The following BACH2 variants were observed in gnomAD, a reference collection of about 807,000 sequenced individuals.
BACH2 encodes the protein BACH transcriptional regulator 2.
In BACH2, 5 loss-of-function variants were observed where a neutral mutation model predicts 61.8. That is an observed-to-expected ratio of 0.08 (90% CI 0.04 to 0.17). The LOEUF (loss-of-function observed/expected upper bound fraction) is 0.17, where lower values mean the gene tolerates loss of function less well. Among genes scored for constraint, BACH2 ranks in the 10% least tolerant of loss-of-function variants. The pLI, the probability that BACH2 is intolerant of heterozygous loss-of-function variation, is 1.00. For missense variants in BACH2, 824 were observed against 1,091.1 expected (o/e 0.76, Z 3.45); for synonymous variants, 446 against 440.1 (o/e 1.01, Z -0.17).
At chr6:90,250,790 G>A (rs1015143100) in intron 3 of BACH2, among the ~76,000 whole-genome samples, 1 of 151,976 alleles carries the variant, frequency 6.6e-6, no homozygotes, top group Non-Finnish European at 1.5e-5. Flanking sequence ...ATGGTTAAGA[G>A]AATAAATGTG....
At chr6:89,949,867 C>CTTCCT (rs1773968425) in intron 7 of BACH2, among the ~76,000 whole-genome samples, 1 of 151,992 alleles carries the variant, frequency 6.6e-6, no homozygotes, top group South Asian at 2.1e-4. Context: ...GATTCTATAT[C>CTTCCT]TTCCTTTACG....
intron 4 of BACH2, among the ~76,000 whole-genome samples, chr6:90,158,477 G>T (rs1023791406): frequency 6.6e-6 from 1 of 152,044 alleles, no homozygotes; most frequent in Non-Finnish European, 1.5e-5. Context: ...GAAAGATGAA[G>T]CCACACAGTC....
At chr6:90,134,727 A>G (rs1196242774) in intron 4 of BACH2, among the ~76,000 whole-genome samples, 1 of 152,212 alleles carries the variant, frequency 6.6e-6, no homozygotes, top group Non-Finnish European at 1.5e-5. Flanking sequence ...AGGAGCTGGT[A>G]TTTATGTCTA....
At chr6:89,940,121 C>T (rs542086664) in intron 7 of BACH2, among the ~76,000 whole-genome samples, 2 of 152,132 alleles carry the variant, frequency 1.3e-5, no homozygotes, top group Non-Finnish European at 2.9e-5. Context: ...AGCGATTCTC[C>T]TGCCTCACCT....
chr6:89,950,540 G>T lies in BACH2; in HGVS notation c.1566C>A (p.Ser522=). The T allele has an allele frequency of 6.2e-7, 1 of 1,611,866 alleles. No individual in the cohort carries two copies. ...CCTCCGCGTAGGAATAGGAAGAGCA[G>T]GAGCTGGAAGTCCTGGTCCTGGTCT... ...PLETRTRTSS[S]CSSYSYAEDG... The change falls in exon 7 of 9, where the codon TCC becomes TCA. Residue 522 remains serine, a synonymous_variant. Transcript: ENST00000257749. The surrounding 1 kb of genome is among the most constrained non-coding windows in gnomAD (Gnocchi z 5.3).
At chr6:90,247,134 A>G (rs1770661717) in intron 3 of BACH2, among the ~76,000 whole-genome samples, 1 of 152,180 alleles carries the variant, frequency 6.6e-6, no homozygotes, top group Non-Finnish European at 1.5e-5. Flanking sequence ...TAACGAGAAC[A>G]TGACTGCAGT....
At chr6:90,124,465 A>C (rs1783766001) in intron 4 of BACH2, among the ~76,000 whole-genome samples, 1 of 152,222 alleles carries the variant, frequency 6.6e-6, no homozygotes, top group African/African-American at 2.4e-5. Flanking sequence ...GACAACACTA[A>C]GGAAATTGTT....
chr6:89,961,821 G>A (rs550789583), intron 6 of BACH2, among the ~76,000 whole-genome samples: 2 of 152,280 alleles, frequency 1.3e-5, no homozygotes, highest in South Asian at 2.1e-4. Flanking sequence ...TTGGTACAGA[G>A]GACACACTAT....
At chr6:90,178,809 C>T (rs1768060710) in intron 4 of BACH2, among the ~76,000 whole-genome samples, 1 of 152,150 alleles carries the variant, frequency 6.6e-6, no homozygotes, top group Admixed American at 6.5e-5. Context: ...TTGAGAATGG[C>T]ACAGATGCAA....
rs191956195 is a variant in BACH2, at chr6:90,019,140, T to C, written c.-12-10284A>G. ...TAAAAATCATAATAGCTTGCATGTA[T>C]AAGGAAACACTCAAAACTTGGTGGA... On this transcript the variant is annotated intron_variant, in intron 5 of 8. Coordinates refer to ENST00000257749, the MANE Select transcript of BACH2 (RefSeq NM_021813.4). Among the ~76,000 whole-genome samples, 301 of 152,312 alleles carry C rather than the reference T, an allele frequency of 2.0e-3. 1 individual carries two copies. Among genetic ancestry groups the C allele is most frequent in the Non-Finnish European group, 3.5e-3 (241 of 68,028 alleles).
intron 4 of BACH2, among the ~76,000 whole-genome samples, chr6:90,185,761 C>T (rs543082557): frequency 5.3e-4 from 81 of 152,280 alleles, no homozygotes; most frequent in African/African-American, 1.9e-3. Flanking sequence ...CTGGTCTTCA[C>T]GTCTACACAC....
intron 4 of BACH2, among the ~76,000 whole-genome samples, chr6:90,202,157 T>C (rs1768977645): frequency 6.6e-6 from 1 of 152,200 alleles, no homozygotes; most frequent in Non-Finnish European, 1.5e-5. Context: ...GCATATAGTA[T>C]GCACTTGACA....
chr6:90,295,313 C>T (rs1772307741), intron 1 of BACH2, among the ~76,000 whole-genome samples: 1 of 152,052 alleles, frequency 6.6e-6, no homozygotes, highest in African/African-American at 2.4e-5. Context: ...CTGGGGATGC[C>T]CCATGCGCCC....
At chr6:90,041,480 T>C (rs1488774277) in intron 5 of BACH2, among the ~76,000 whole-genome samples, 3 of 152,030 alleles carry the variant, frequency 2.0e-5, no homozygotes, top group Non-Finnish European at 4.4e-5. Flanking sequence ...ATTTTTCCAA[T>C]ATTTATCACT....
intron 6 of BACH2, among the ~76,000 whole-genome samples, chr6:89,986,099 T>C (rs575376404): frequency 5.3e-5 from 8 of 152,176 alleles, no homozygotes; most frequent in Admixed American, 2.0e-4. Context: ...AGACTGATAG[T>C]GGCGGCGGCG....
At chr6:90,038,575 T>C (rs1779376575) in intron 5 of BACH2, among the ~76,000 whole-genome samples, 1 of 152,136 alleles carries the variant, frequency 6.6e-6, no homozygotes, top group Admixed American at 6.6e-5. Context: ...AATAAAATGG[T>C]AAATACTGAA....
intron 5 of BACH2, among the ~76,000 whole-genome samples, chr6:90,062,254 T>G (rs1400378573): frequency 2.0e-5 from 3 of 152,204 alleles, no homozygotes; most frequent in Non-Finnish European, 4.4e-5. Flanking sequence ...CTGAGTAATC[T>G]TTATTTGCCA....
At chr6:90,184,006 A>T (rs1256856387) in intron 4 of BACH2, among the ~76,000 whole-genome samples, 3 of 152,202 alleles carry the variant, frequency 2.0e-5, no homozygotes, top group Non-Finnish European at 4.4e-5. Flanking sequence ...CAGGTGAGGA[A>T]TGTTGCCAAT....
At chr6:90,295,849 T>C (rs941788374) in intron 1 of BACH2, among the ~76,000 whole-genome samples, 3 of 152,228 alleles carry the variant, frequency 2.0e-5, no homozygotes, top group East Asian at 1.9e-4. Context: ...CCAGCTCGCC[T>C]CTTCCTGCGA....
Sources: allele counts gnomAD v4.1 joint callset (sites outside exome capture counted in the v4.1 genomes callset), GRCh38; gene constraint gnomAD v4.1.1; non-coding constraint Gnocchi (gnomAD v3.1); transcripts MANE v1.5; gene names NCBI Gene and HGNC (gene_info 2026-07-23, HGNC 2026-07-21).